DEPTOR: variants seen among roughly 807,000 people sequenced by gnomAD.
The protein encoded by DEPTOR is DEP domain containing MTOR interacting protein.
DEPTOR carries 41 observed loss-of-function variants against 41.6 expected under a neutral mutation model. That is an observed-to-expected ratio of 0.98 (90% CI 0.77 to 1.28). DEPTOR has a LOEUF of 1.28. Ranked by LOEUF, DEPTOR falls within the 50% of genes most tolerant of loss-of-function variation. The pLI is 0.00. For missense variants in DEPTOR, 514 were observed against 527.9 expected, an observed-to-expected ratio of 0.97 and a Z score of 0.26; for synonymous variants, 195 against 192.3, an observed-to-expected ratio of 1.01 and a Z score of -0.12.
intron 4 of DEPTOR, among the ~76,000 whole-genome samples, chr8:119,988,647 T>A (rs1828859716): frequency 6.6e-6 from 1 of 152,078 alleles, no homozygotes; most frequent in South Asian, 2.1e-4. Flanking sequence ...CATGCCTGGC[T>A]AATTTTTGTA....
At chr8:119,968,077 G>A (rs550967122) in intron 4 of DEPTOR, among the ~76,000 whole-genome samples, 1 of 152,176 alleles carries the variant, frequency 6.6e-6, no homozygotes. Flanking sequence ...CACAGTGCTG[G>A]TGTGATCCCT....
intron 8 of DEPTOR, among the ~76,000 whole-genome samples, chr8:120,044,221 G>A (rs1290577072): frequency 6.6e-6 from 1 of 151,664 alleles, no homozygotes; most frequent in Non-Finnish European, 1.5e-5. Flanking sequence ...CACCTCCCAG[G>A]TTCAAGTGAT....
At chr8:120,019,381 G>A (rs201943029) in intron 8 of DEPTOR, among the ~76,000 whole-genome samples, 5 of 152,218 alleles carry the variant, frequency 3.3e-5, no homozygotes, top group East Asian at 3.9e-4. Context: ...GTGCACACTG[G>A]TGTCACTCTC....
intron 4 of DEPTOR, among the ~76,000 whole-genome samples, chr8:120,000,124 T>A (rs1403557737): frequency 2.0e-5 from 3 of 151,608 alleles, no homozygotes; most frequent in Non-Finnish European, 4.4e-5. Context: ...TCTTTGCCGA[T>A]TTTTTTTAAC....
chr8:119,966,327 G>A (rs886720728), intron 4 of DEPTOR, among the ~76,000 whole-genome samples: 1 of 152,256 alleles, frequency 6.6e-6, no homozygotes, highest in East Asian at 1.9e-4. Context: ...TTAGCTGGGT[G>A]TTGTGGTGCA....
chr8:120,028,059 G>A (rs1279187143), intron 8 of DEPTOR, among the ~76,000 whole-genome samples: 1 of 152,190 alleles, frequency 6.6e-6, no homozygotes, highest in East Asian at 1.9e-4. Flanking sequence ...TGGATAAAGG[G>A]CTGCATTGAT....
At chr8:120,000,166 C>A (rs1329057285) in intron 4 of DEPTOR, among the ~76,000 whole-genome samples, 1 of 152,026 alleles carries the variant, frequency 6.6e-6, no homozygotes, top group Non-Finnish European at 1.5e-5. Flanking sequence ...ACATACCAAG[C>A]AATTCATTAA....
intron 8 of DEPTOR, among the ~76,000 whole-genome samples, chr8:120,030,407 A>G (rs1402609425): frequency 6.6e-6 from 1 of 151,194 alleles, no homozygotes; most frequent in Non-Finnish European, 1.5e-5. Context: ...TTATACATTT[A>G]ACCAGAGCCA....
chr8:119,991,030 TTTTCTTTCTTTCTTTC>T (rs747315642), intron 4 of DEPTOR, among the ~76,000 whole-genome samples: 27 of 53,704 alleles, frequency 5.0e-4, no homozygotes, highest in East Asian at 2.0e-3. Context: ...TCGGGTTTTC[TTTTCTTTCTTTCTTTC>T]TTTCTTTCTT....
intron 1 of DEPTOR, among the ~76,000 whole-genome samples, chr8:119,911,059 A>G (rs7000488): frequency 0.72 from 108,696 of 151,496 alleles, 39,409 homozygotes; most frequent in East Asian, 0.95. Flanking sequence ...AGCTGCCTCC[A>G]CCCATTGCCT....
At position 120,009,129 on chromosome 8, in the gene DEPTOR, T is replaced by A. The variant is rs762083501; in HGVS notation, c.1097T>A (p.Met366Lys). ...AGTGGCCCTGCAGCCGCAGCAGGAA[T>A]GAAGGTACTAACGGGTCTTTCTCAC... ...DPSGPAAAAG[M>K]KVCQFVVSVN... The change falls in exon 8 of 9, where the codon ATG becomes AAG. Residue 366 changes from methionine to lysine, a missense_variant. Transcript: ENST00000286234. The A allele has an allele frequency of 6.2e-7, 1 of 1,613,746 alleles. No individual in the cohort carries two copies. Among genetic ancestry groups the A allele is most frequent in the Admixed American group, 1.7e-5 (1 of 59,992 alleles).
At chr8:120,022,670 C>T (rs893956075) in intron 8 of DEPTOR, among the ~76,000 whole-genome samples, 2 of 150,414 alleles carry the variant, frequency 1.3e-5, no homozygotes, top group African/African-American at 4.9e-5. Flanking sequence ...AAAATTGTCC[C>T]CACTTTTTGT....
chr8:120,034,879 A>G (rs1812955370), intron 8 of DEPTOR, among the ~76,000 whole-genome samples: 1 of 152,210 alleles, frequency 6.6e-6, no homozygotes, highest in Non-Finnish European at 1.5e-5. Context: ...ATAGTTATTG[A>G]TAAACATTTA....
intron 8 of DEPTOR, among the ~76,000 whole-genome samples, chr8:120,046,381 G>A (rs1813153235): frequency 6.7e-6 from 1 of 148,156 alleles, no homozygotes; most frequent in African/African-American, 2.5e-5. Context: ...CCAACCCTAA[G>A]TAATCAATAA....
intron 8 of DEPTOR, among the ~76,000 whole-genome samples, chr8:120,021,417 T>TA (rs1812712706): frequency 6.6e-6 from 1 of 151,972 alleles, no homozygotes; most frequent in African/African-American, 2.4e-5. Context: ...AATAAATAAA[T>TA]AAAAAATAAA....
At chr8:119,923,752 G>C (rs1827927490) in intron 1 of DEPTOR, among the ~76,000 whole-genome samples, 1 of 151,654 alleles carries the variant, frequency 6.6e-6, no homozygotes, top group Non-Finnish European at 1.5e-5. Context: ...TTTTTAAATT[G>C]TTTTAAAATT....
intron 1 of DEPTOR, among the ~76,000 whole-genome samples, chr8:119,925,926 G>A (rs979213222): frequency 6.6e-6 from 1 of 152,094 alleles, no homozygotes; most frequent in African/African-American, 2.4e-5. Flanking sequence ...TGCCCGGCCT[G>A]TTGTTTCCTT....
At chr8:120,004,767 A>G (rs1396364001) in intron 6 of DEPTOR, among the ~76,000 whole-genome samples, 1 of 151,984 alleles carries the variant, frequency 6.6e-6, no homozygotes, top group Non-Finnish European at 1.5e-5. Flanking sequence ...TCCACTTCTT[A>G]CCCATAGTTT....
chr8:120,039,128 G>A (rs984729433), intron 8 of DEPTOR, among the ~76,000 whole-genome samples: 17 of 152,132 alleles, frequency 1.1e-4, no homozygotes, highest in African/African-American at 4.1e-4. Context: ...TAGGTCACTG[G>A]GTCAGAGCCC....
Sources: gnomAD v4.1 joint callset for allele counts (sites outside exome capture counted in the v4.1 genomes callset) on GRCh38, gnomAD v4.1.1 for gene constraint, MANE v1.5 for transcripts, NCBI Gene and HGNC (gene_info 2026-07-23, HGNC 2026-07-21) for gene names.